Variants in RSU1 observed in about 807,000 individuals in gnomAD.
RSU1 encodes the protein rsu-1.
A neutral mutation model predicts 31.1 loss-of-function variants in RSU1; 26 were observed. That is an observed-to-expected ratio of 0.84 (90% CI 0.61 to 1.16). The LOEUF is 1.16. Ranked by LOEUF, RSU1 falls within the 50% of genes most tolerant of loss-of-function variation. RSU1 has a pLI of 0.00. For missense variants in RSU1, 320 were observed against 339.1 expected (o/e 0.94, Z 0.44); for synonymous variants, 164 against 136.3 (o/e 1.20, Z -1.41).
chr10:16,805,424 C>T (rs377232890), intron 2 of RSU1, among the ~76,000 whole-genome samples: 1 of 152,024 alleles, frequency 6.6e-6, no homozygotes, highest in African/African-American at 2.4e-5. Flanking sequence ...GTAATCCGAA[C>T]ATTTTGGGAG....
intron 2 of RSU1, among the ~76,000 whole-genome samples, chr10:16,810,810 C>A (rs1838392485): frequency 1.3e-5 from 2 of 152,134 alleles, no homozygotes; most frequent in African/African-American, 4.8e-5. Context: ...TCGCTTGAGT[C>A]CAGGAGTTCA....
At chr10:16,739,486 T>TTTTTTG (rs2131608847) in intron 7 of RSU1, among the ~76,000 whole-genome samples, 1 of 148,718 alleles carries the variant, frequency 6.7e-6, no homozygotes, top group Admixed American at 6.7e-5. Flanking sequence ...TTTTTTTTTT[T>TTTTTTG]TTGAGACAGA....
At chr10:16,668,160 T>C (rs898102636) in intron 8 of RSU1, among the ~76,000 whole-genome samples, 3 of 152,072 alleles carry the variant, frequency 2.0e-5, no homozygotes, top group African/African-American at 4.8e-5. Context: ...TTTGAGAAAA[T>C]GGGGATAAGC....
intron 7 of RSU1, among the ~76,000 whole-genome samples, chr10:16,701,818 G>C (rs772219682): frequency 4.6e-5 from 7 of 152,168 alleles, no homozygotes; most frequent in Non-Finnish European, 8.8e-5. Flanking sequence ...TCCAGGTTAA[G>C]AAGGGATAGA....
intron 8 of RSU1, among the ~76,000 whole-genome samples, chr10:16,598,277 A>G (rs1174930754): frequency 6.6e-6 from 1 of 152,138 alleles, no homozygotes; most frequent in Non-Finnish European, 1.5e-5. Flanking sequence ...AGGGGTACAC[A>G]TCTGTAATCC....
chr10:16,784,833 A>AC (rs767928831), intron 2 of RSU1, among the ~76,000 whole-genome samples: 5 of 152,210 alleles, frequency 3.3e-5, no homozygotes, highest in Non-Finnish European at 7.3e-5. Context: ...CCGTCCCACG[A>AC]CATGTAGGAA....
chr10:16,816,847 G>A, intron 2 of RSU1, 126 bp downstream of exon 2: 1 of 674,840 alleles, frequency 1.5e-6, no homozygotes, highest in South Asian at 1.8e-5. Flanking sequence ...CCCCTGACAA[G>A]TGAGGTTTAC....
At chr10:16,641,663 A>G (rs962841258) in intron 8 of RSU1, among the ~76,000 whole-genome samples, 1 of 152,128 alleles carries the variant, frequency 6.6e-6, no homozygotes, top group Admixed American at 6.5e-5. Flanking sequence ...TCCATTGCCA[A>G]CAACAGCCCC....
chr10:16,804,775 G>C (rs1165140287), intron 2 of RSU1, among the ~76,000 whole-genome samples: 1 of 152,168 alleles, frequency 6.6e-6, no homozygotes, highest in African/African-American at 2.4e-5. Context: ...TAAAATTATA[G>C]AGACAAACTG....
At chr10:16,670,821 A>G (rs1254969075) in intron 8 of RSU1, among the ~76,000 whole-genome samples, 1 of 151,982 alleles carries the variant, frequency 6.6e-6, no homozygotes, top group African/African-American at 2.4e-5. Flanking sequence ...CTGGAGTCCA[A>G]CGGCACAATC....
intron 8 of RSU1, among the ~76,000 whole-genome samples, chr10:16,690,444 G>A (rs1835524257): frequency 1.3e-5 from 2 of 152,106 alleles, no homozygotes; most frequent in Admixed American, 6.5e-5. Flanking sequence ...TGAAGGGGCC[G>A]TGATTAATGC....
chr10:16,598,825 G>C lies in RSU1; in HGVS notation c.732-5329C>G, dbSNP rs1299666084. On this transcript the variant is annotated intron_variant, in intron 8 of 8. Coordinates refer to ENST00000345264, the MANE Select transcript of RSU1 (RefSeq NM_012425.4). ...CTTGGTAATGTGTTAGAGCAATAGA[G>C]AACTAACATAGTAGGTGAGCCTCTC... Among the ~76,000 whole-genome samples, 3 of 152,140 alleles carry C rather than the reference G, an allele frequency of 2.0e-5. No individual in the cohort carries two copies. The South Asian group carries it at 6.2e-4, about 31-fold the overall frequency.
At chr10:16,789,047 G>GA (rs369864705) in intron 2 of RSU1, among the ~76,000 whole-genome samples, 17 of 151,068 alleles carry the variant, frequency 1.1e-4, no homozygotes, top group South Asian at 4.2e-4. Flanking sequence ...AATTAGCAAG[G>GA]AAAAAAAAAT....
chr10:16,639,931 CTTT>C (rs890118052), intron 8 of RSU1, among the ~76,000 whole-genome samples: 1 of 152,156 alleles, frequency 6.6e-6, no homozygotes, highest in African/African-American at 2.4e-5. Context: ...AAGTTGTATG[CTTT>C]TTAATATAAA....
At chr10:16,763,022 A>G (rs1459206778) in intron 4 of RSU1, among the ~76,000 whole-genome samples, 3 of 151,964 alleles carry the variant, frequency 2.0e-5, no homozygotes, top group Non-Finnish European at 4.4e-5. Flanking sequence ...AAACAAAAAA[A>G]CCTGGGAAAT....
At chr10:16,696,135 A>G (rs1282289302) in intron 7 of RSU1, among the ~76,000 whole-genome samples, 1 of 152,238 alleles carries the variant, frequency 6.6e-6, no homozygotes, top group Non-Finnish European at 1.5e-5. Context: ...TCTGTCCCTA[A>G]AAGTCCTACT....
At chr10:16,785,499 T>TATACATATATATACAC (rs1384184897) in intron 2 of RSU1, among the ~76,000 whole-genome samples, 4 of 123,070 alleles carry the variant, frequency 3.3e-5, no homozygotes, top group African/African-American at 1.5e-4. Flanking sequence ...CATATATATA[T>TATACATATATATACAC]ACACATATAT....
intron 3 of RSU1, among the ~76,000 whole-genome samples, chr10:16,767,698 G>C (rs897486702): frequency 6.6e-6 from 1 of 151,970 alleles, no homozygotes; most frequent in African/African-American, 2.4e-5. Flanking sequence ...CCAATATTTA[G>C]AGAATGCTGA....
chr10:16,781,017 A>G (rs1837637761), intron 3 of RSU1, among the ~76,000 whole-genome samples: 1 of 152,218 alleles, frequency 6.6e-6, no homozygotes, highest in Non-Finnish European at 1.5e-5. Flanking sequence ...CAGCTCTGTG[A>G]CATCGCTTCA....
Sources: allele counts gnomAD v4.1 joint callset (sites outside exome capture counted in the v4.1 genomes callset), GRCh38; gene constraint gnomAD v4.1.1; transcripts MANE v1.5; gene names NCBI Gene and HGNC (gene_info 2026-07-23, HGNC 2026-07-21).